PTPRD: variants seen among roughly 807,000 people sequenced by gnomAD.
The protein encoded by PTPRD is protein tyrosine phosphatase receptor type D, also known as receptor-type tyrosine-protein phosphatase delta.
A neutral mutation model predicts 214.5 loss-of-function variants in PTPRD; 34 were observed. The observed-to-expected ratio is 0.16, with a 90% confidence interval of 0.12 to 0.21. The LOEUF (loss-of-function observed/expected upper bound fraction) is 0.21. Ranked by LOEUF, PTPRD falls within the 10% of genes least tolerant of loss-of-function variation. PTPRD has a pLI of 1.00. For synonymous variants in PTPRD, 1,128 were observed against 845.7 expected (o/e 1.33, Z -5.79); for missense variants, 2,545 against 2,398.7 (o/e 1.06, Z -1.27).
chr9:8,559,756 TCA>T (rs767783663), intron 14 of PTPRD, among the ~76,000 whole-genome samples: 10 of 152,200 alleles, frequency 6.6e-5, no homozygotes, highest in Non-Finnish European at 1.2e-4. Flanking sequence ...CTTGAGCCCA[TCA>T]CAGTTTAGCT....
chr9:9,221,725 T>C (rs769331543), intron 9 of PTPRD, among the ~76,000 whole-genome samples: 12 of 152,052 alleles, frequency 7.9e-5, no homozygotes, highest in African/African-American at 1.4e-4. Context: ...GTTGGGGTTC[T>C]AGCATATACA....
intron 8 of PTPRD, among the ~76,000 whole-genome samples, chr9:9,422,625 G>T (rs532129385): frequency 6.6e-6 from 1 of 152,236 alleles, no homozygotes; most frequent in East Asian, 1.9e-4. Flanking sequence ...TAGAGACAGT[G>T]ATGTCAGATA....
At chr9:9,366,211 A>G (rs1236725869) in intron 9 of PTPRD, among the ~76,000 whole-genome samples, 1 of 151,570 alleles carries the variant, frequency 6.6e-6, no homozygotes, top group African/African-American at 2.4e-5. Flanking sequence ...TAGATTTATT[A>G]GGTTGCATAA....
chr9:9,938,965 A>G (rs1413807667), intron 4 of PTPRD, among the ~76,000 whole-genome samples: 1 of 152,056 alleles, frequency 6.6e-6, no homozygotes, highest in Admixed American at 6.6e-5. Flanking sequence ...ATACATTTTT[A>G]AACTCCAGAG....
intron 3 of PTPRD, among the ~76,000 whole-genome samples, chr9:10,224,556 T>C (rs1433547422): frequency 6.6e-6 from 1 of 152,124 alleles, no homozygotes; most frequent in Non-Finnish European, 1.5e-5. Flanking sequence ...GTTGAAATTC[T>C]GCCATGCCTA....
At chr9:8,548,620 G>C (rs535001479) in intron 14 of PTPRD, among the ~76,000 whole-genome samples, 1 of 146,876 alleles carries the variant, frequency 6.8e-6, no homozygotes, top group African/African-American at 2.5e-5. Context: ...CACTTGCCTC[G>C]TCCTCCCAAA....
intron 2 of PTPRD, among the ~76,000 whole-genome samples, chr9:10,482,563 T>C (rs534520698): frequency 9.2e-5 from 14 of 152,030 alleles, no homozygotes; most frequent in Non-Finnish European, 1.8e-4. Flanking sequence ...AATAAATCTC[T>C]TTGGAGAAGA....
intron 3 of PTPRD, among the ~76,000 whole-genome samples, chr9:10,165,584 T>C (rs1352624077): frequency 6.6e-6 from 1 of 151,808 alleles, no homozygotes; most frequent in African/African-American, 2.4e-5. Flanking sequence ...TGCCAAATAG[T>C]AAAATATTAA....
intron 5 of PTPRD, among the ~76,000 whole-genome samples, chr9:9,815,226 C>T (rs574084312): frequency 9.2e-5 from 14 of 152,106 alleles, no homozygotes; most frequent in South Asian, 2.1e-4. Flanking sequence ...CATATAAGGT[C>T]GGCTAATCTT....
intron 2 of PTPRD, among the ~76,000 whole-genome samples, chr9:10,491,563 A>G (rs2040248173): frequency 6.6e-6 from 1 of 152,102 alleles, no homozygotes; most frequent in African/African-American, 2.4e-5. Context: ...GGTTAAAATT[A>G]TAAAGGGCCA....
chr9:8,889,364 G>C (rs897300659), intron 11 of PTPRD, among the ~76,000 whole-genome samples: 10 of 152,136 alleles, frequency 6.6e-5, no homozygotes, highest in African/African-American at 2.2e-4. Context: ...CTGGCACATA[G>C]TAGGCAATAT....
chr9:9,880,020 T>C (rs1463106759), intron 5 of PTPRD, among the ~76,000 whole-genome samples: 1 of 152,146 alleles, frequency 6.6e-6, no homozygotes, highest in Non-Finnish European at 1.5e-5. Context: ...AAATCTCATC[T>C]CTAACTCTAA....
At chr9:9,460,849 T>C (rs556227049) in intron 8 of PTPRD, among the ~76,000 whole-genome samples, 3 of 152,032 alleles carry the variant, frequency 2.0e-5, no homozygotes, top group Non-Finnish European at 4.4e-5. Flanking sequence ...AATAAATGAT[T>C]TTATCAAAAT....
chr9:9,402,605 T>A (rs917267819), intron 8 of PTPRD, among the ~76,000 whole-genome samples: 1 of 151,978 alleles, frequency 6.6e-6, no homozygotes, highest in African/African-American at 2.4e-5. Context: ...TGAAAGTCAG[T>A]ACAAGGATCA....
At chr9:9,001,055 T>C (rs2099416221) in intron 11 of PTPRD, among the ~76,000 whole-genome samples, 1 of 151,982 alleles carries the variant, frequency 6.6e-6, no homozygotes, top group Non-Finnish European at 1.5e-5. Flanking sequence ...CCTTTGCTAA[T>C]ACTCTCTCAA....
intron 5 of PTPRD, among the ~76,000 whole-genome samples, chr9:9,833,181 G>A (rs866419220): frequency 6.6e-6 from 1 of 151,972 alleles, no homozygotes; most frequent in African/African-American, 2.4e-5. Flanking sequence ...CAGGGGACCT[G>A]CCCCGATAAT....
At chr9:9,140,737 C>A (rs986777946) in intron 10 of PTPRD, among the ~76,000 whole-genome samples, 4 of 152,166 alleles carry the variant, frequency 2.6e-5, no homozygotes, top group Non-Finnish European at 4.4e-5. Context: ...CGCCACCACG[C>A]CCGGCTAATT....
At chr9:9,612,161 C>T (rs1011756179) in intron 7 of PTPRD, among the ~76,000 whole-genome samples, 9 of 151,674 alleles carry the variant, frequency 5.9e-5, no homozygotes, top group Admixed American at 1.3e-4. Context: ...ACATTAAGTT[C>T]CTTTTTTCTT....
chr9:8,598,208 C>T (rs962566910), intron 14 of PTPRD, among the ~76,000 whole-genome samples: 1 of 152,088 alleles, frequency 6.6e-6, no homozygotes. Flanking sequence ...CCAGTGCACT[C>T]TGGGAGGCCG....
Sources: allele counts gnomAD v4.1 joint callset (sites outside exome capture counted in the v4.1 genomes callset), GRCh38; gene constraint gnomAD v4.1.1; transcripts MANE v1.5; gene names NCBI Gene and HGNC (gene_info 2026-07-23, HGNC 2026-07-21).